The following DAB1 variants were observed in gnomAD, a reference collection of about 807,000 sequenced individuals.
DAB1 encodes disabled homolog 1.
DAB1 carries 15 observed loss-of-function variants against 64.6 expected under a neutral mutation model. The ratio of observed to expected loss-of-function variants is 0.23; its 90% CI spans 0.16 to 0.36. DAB1 has a LOEUF of 0.36. DAB1 is among the 10% of genes least tolerant of loss of function. The probability of loss-of-function intolerance (pLI) is 1.00; values close to 1 mark genes in which losing one functional copy is unlikely to be tolerated. For synonymous variants in DAB1, 235 were observed against 251.9 expected, an observed-to-expected ratio of 0.93 and a Z score of 0.64; for missense variants, 596 against 706.7, an observed-to-expected ratio of 0.84 and a Z score of 1.78.
chr1:57,832,415 A>T (rs1652628789), intron 1 of DAB1, among the ~76,000 whole-genome samples: 1 of 152,258 alleles, frequency 6.6e-6, no homozygotes, highest in African/African-American at 2.4e-5. Flanking sequence ...ATGGAGACGT[A>T]TAGAGAAAGG....
At chr1:58,376,477 A>G (rs1341315362) in intron 3 of DAB1, among the ~76,000 whole-genome samples, 1 of 139,404 alleles carries the variant, frequency 7.2e-6, no homozygotes, top group East Asian at 2.0e-4. Context: ...GTTTCCATGT[A>G]GTTGAGTGGC....
intron 5 of DAB1, among the ~76,000 whole-genome samples, chr1:58,094,981 G>A (rs1188028850): frequency 6.6e-6 from 1 of 152,178 alleles, no homozygotes; most frequent in Non-Finnish European, 1.5e-5. Flanking sequence ...ACTTAGAGAA[G>A]CATTTTAGGT....
chr1:58,228,550 G>C, intron 4 of DAB1: 2 of 413,742 alleles, frequency 4.8e-6, no homozygotes, highest in Non-Finnish European at 9.2e-6. Flanking sequence ...ATCGTGTGTG[G>C]ATATGGCAGG....
intron 6 of DAB1, among the ~76,000 whole-genome samples, chr1:57,818,580 G>A (rs552833678): frequency 2.1e-4 from 32 of 152,110 alleles, no homozygotes; most frequent in Middle Eastern, 3.4e-3. Context: ...ATTTGGCTAA[G>A]CAGCTTACAT....
chr1:57,719,071 C>T (rs901959089), intron 6 of DAB1, among the ~76,000 whole-genome samples: 2 of 151,962 alleles, frequency 1.3e-5, no homozygotes, highest in African/African-American at 2.4e-5. Flanking sequence ...TTTTCACAGC[C>T]GTGTAAGTGA....
intron 4 of DAB1, among the ~76,000 whole-genome samples, chr1:58,283,834 T>C (rs910094191): frequency 2.0e-5 from 3 of 152,198 alleles, no homozygotes; most frequent in African/African-American, 7.2e-5. Context: ...ACAGACTTTG[T>C]CCTCGAAGGC....
chr1:57,297,935 G>A (rs1160493712), intron 1 of DAB1, among the ~76,000 whole-genome samples: 1 of 152,082 alleles, frequency 6.6e-6, no homozygotes, highest in Non-Finnish European at 1.5e-5. Flanking sequence ...AATTTGCACG[G>A]AACAGGGTCC....
At chr1:57,905,518 G>A (rs968042915) in intron 5 of DAB1, among the ~76,000 whole-genome samples, 6 of 152,124 alleles carry the variant, frequency 3.9e-5, no homozygotes, top group Admixed American at 3.3e-4. Context: ...CCAAGATAGG[G>A]ACAGGTAGGA....
At chr1:58,456,938 A>C (rs547307381) in intron 3 of DAB1, among the ~76,000 whole-genome samples, 1 of 152,302 alleles carries the variant, frequency 6.6e-6, no homozygotes, top group East Asian at 1.9e-4. Flanking sequence ...TAATTCTTAC[A>C]GCATCCCTGT....
chr1:57,005,473 A>C (rs945312975), intron 14 of DAB1, among the ~76,000 whole-genome samples: 14 of 152,168 alleles, frequency 9.2e-5, no homozygotes, highest in African/African-American at 3.4e-4. Flanking sequence ...TTAGATGGGA[A>C]TAGAGACAGC....
At chr1:57,869,500 GAGA>G (rs527256982) in intron 1 of DAB1, among the ~76,000 whole-genome samples, 2,054 of 152,162 alleles carry the variant, frequency 0.013, 24 homozygotes, top group Non-Finnish European at 0.022. Flanking sequence ...TGTGAAAGAG[GAGA>G]AGAAGCCTAC....
chr1:58,024,177 T>C (rs1412429151), intron 5 of DAB1, among the ~76,000 whole-genome samples: 1 of 152,190 alleles, frequency 6.6e-6, no homozygotes, highest in South Asian at 2.1e-4. Flanking sequence ...GCAATAGATA[T>C]AGTCATAAGA....
intron 7 of DAB1, among the ~76,000 whole-genome samples, chr1:57,495,256 AT>A (rs1644216564): frequency 6.6e-6 from 1 of 152,186 alleles, no homozygotes; most frequent in African/African-American, 2.4e-5. Context: ...CTACTATTTT[AT>A]GTACCACCAG....
intron 1 of DAB1, among the ~76,000 whole-genome samples, chr1:57,407,621 G>A (rs192129641): frequency 1.3e-5 from 2 of 152,234 alleles, no homozygotes; most frequent in East Asian, 3.9e-4. Flanking sequence ...TTTCGGCCGA[G>A]GCCCAGAGAG....
chr1:57,979,723 A>G (rs1382288060), intron 5 of DAB1, among the ~76,000 whole-genome samples: 1 of 152,184 alleles, frequency 6.6e-6, no homozygotes, highest in African/African-American at 2.4e-5. Flanking sequence ...TGTTAAGTAC[A>G]TTGATAACCC....
At chr1:58,001,109 G>A (rs534935397) in intron 5 of DAB1, among the ~76,000 whole-genome samples, 1 of 149,890 alleles carries the variant, frequency 6.7e-6, no homozygotes, top group East Asian at 2.0e-4. Context: ...CTTTGTTTTT[G>A]TTTTCTCAAT....
At chr1:57,279,477 A>T (rs562975511) in intron 2 of DAB1, among the ~76,000 whole-genome samples, 1 of 152,292 alleles carries the variant, frequency 6.6e-6, no homozygotes, top group East Asian at 1.9e-4. Flanking sequence ...CTGACTTTAT[A>T]TCCAAGAGGA....
chr1:57,467,260 T>C (rs1686983980), intron 7 of DAB1, among the ~76,000 whole-genome samples: 1 of 152,132 alleles, frequency 6.6e-6, no homozygotes, highest in African/African-American at 2.4e-5. Flanking sequence ...AGTCTATGAA[T>C]CTAAGATGAA....
intron 2 of DAB1, among the ~76,000 whole-genome samples, chr1:57,216,206 A>G (rs1666417082): frequency 6.6e-6 from 1 of 152,002 alleles, no homozygotes. Flanking sequence ...GTGTAGCCTT[A>G]GGAAGGTTAC....
Sources: gnomAD v4.1 joint callset for allele counts (sites outside exome capture counted in the v4.1 genomes callset) on GRCh38, gnomAD v4.1.1 for gene constraint, MANE v1.5 for transcripts, NCBI Gene and HGNC (gene_info 2026-07-23, HGNC 2026-07-21) for gene names.